PCSK2: variants seen among roughly 807,000 people sequenced by gnomAD.
PCSK2 encodes proprotein convertase subtilisin/kexin type 2, also known as neuroendocrine convertase 2.
PCSK2 carries 14 observed loss-of-function variants against 69.7 expected under a neutral mutation model. The observed-to-expected ratio is 0.20, with a 90% CI of 0.13 to 0.31. PCSK2 has a LOEUF of 0.31. PCSK2 is among the 10% of genes least tolerant of loss of function. The pLI is 1.00. For missense variants in PCSK2, 544 were observed against 842.5 expected, an observed-to-expected ratio of 0.65 and a Z score of 4.39; for synonymous variants, 307 against 320.7, an observed-to-expected ratio of 0.96 and a Z score of 0.46.
chr20:17,348,035 AAAGAAAGAAAGAAAGGAAAGAAAG>A (rs1190115477), intron 2 of PCSK2, among the ~76,000 whole-genome samples: 2 of 71,326 alleles, frequency 2.8e-5, no homozygotes, highest in East Asian at 6.2e-4. Context: ...AAGAAAGAAG[AAAGAAAGAAAGAAAGGAAAGAAAG>A]AAAGAAAGAA....
At chr20:17,355,854 C>A (rs1255320961) in intron 2 of PCSK2, among the ~76,000 whole-genome samples, 1 of 152,142 alleles carries the variant, frequency 6.6e-6, no homozygotes, top group Non-Finnish European at 1.5e-5. Flanking sequence ...CACAGGGCTC[C>A]TCAAATTTAA....
chr20:17,265,507 A>C (rs1363282148), intron 2 of PCSK2, among the ~76,000 whole-genome samples: 1 of 152,232 alleles, frequency 6.6e-6, no homozygotes, highest in Non-Finnish European at 1.5e-5. Flanking sequence ...TATTTTACTT[A>C]TTAAGAAACA....
intron 5 of PCSK2, among the ~76,000 whole-genome samples, chr20:17,387,191 C>T (rs530300301): frequency 6.6e-6 from 1 of 152,290 alleles, no homozygotes; most frequent in Admixed American, 6.5e-5. Flanking sequence ...AGAAGGATAG[C>T]AATATGCCTT....
At chr20:17,238,555 G>T (rs1400883713) in intron 1 of PCSK2, among the ~76,000 whole-genome samples, 1 of 152,118 alleles carries the variant, frequency 6.6e-6, no homozygotes, top group Admixed American at 6.5e-5. Context: ...GAGCCTTGTT[G>T]CTCATTGGCG....
intron 2 of PCSK2, among the ~76,000 whole-genome samples, chr20:17,304,860 G>A (rs910974763): frequency 6.6e-6 from 1 of 152,124 alleles, no homozygotes; most frequent in Admixed American, 6.5e-5. Context: ...CAGAAGCTGC[G>A]ACAAGAATAT....
intron 2 of PCSK2, among the ~76,000 whole-genome samples, chr20:17,294,612 G>T (rs1037758092): frequency 6.6e-6 from 1 of 152,070 alleles, no homozygotes; most frequent in Non-Finnish European, 1.5e-5. Context: ...CTTAGCATTT[G>T]GTATTTCCAC....
chr20:17,369,214 C>T (rs757524237), intron 4 of PCSK2, 26 bp from the exon 5 acceptor site: 4 of 1,609,428 alleles, frequency 2.5e-6, no homozygotes, highest in African/African-American at 2.7e-5. Flanking sequence ...ACCTTTGGTT[C>T]CTGTGTTATT....
intron 2 of PCSK2, among the ~76,000 whole-genome samples, chr20:17,334,771 A>G (rs6111510): frequency 0.2 from 29,993 of 152,102 alleles, 3,625 homozygotes; most frequent in East Asian, 0.51. Context: ...CTGGGATGGA[A>G]ATCTGCGCCA....
At chr20:17,400,134 T>C (rs1451991654) in intron 5 of PCSK2, among the ~76,000 whole-genome samples, 1 of 152,242 alleles carries the variant, frequency 6.6e-6, no homozygotes, top group Non-Finnish European at 1.5e-5. Context: ...TATGGCCCTC[T>C]GTGGGAGGTT....
At chr20:17,474,820 A>G (rs1411778767) in intron 11 of PCSK2, among the ~76,000 whole-genome samples, 1 of 85,334 alleles carries the variant, frequency 1.2e-5, no homozygotes, top group Non-Finnish European at 2.6e-5. Context: ...AGGGCTTTTT[A>G]AAGAAAGCAA....
chr20:17,421,688 C>T (rs1430160032), intron 6 of PCSK2, among the ~76,000 whole-genome samples: 6 of 151,854 alleles, frequency 4.0e-5, no homozygotes, highest in Non-Finnish European at 7.4e-5. Flanking sequence ...TCTGTCTTAT[C>T]TCCTTATCTC....
chr20:17,406,262 G>A (rs913564472), intron 5 of PCSK2, among the ~76,000 whole-genome samples: 2 of 152,312 alleles, frequency 1.3e-5, no homozygotes, highest in African/African-American at 4.8e-5. Flanking sequence ...GGCTGTACAA[G>A]CATAAACAGA....
chr20:17,296,161 AG>A (rs778446597), intron 2 of PCSK2, among the ~76,000 whole-genome samples: 1 of 152,208 alleles, frequency 6.6e-6, no homozygotes, highest in East Asian at 1.9e-4. Flanking sequence ...GCAGCAAGAC[AG>A]CCTAAGCAAA....
intron 10 of PCSK2, chr20:17,463,849 T>A (rs1223920161): frequency 6.6e-6 from 1 of 152,180 alleles, no homozygotes; most frequent in East Asian, 1.9e-4. Flanking sequence ...ATCAAATGAG[T>A]TATGTTGCTC....
At chr20:17,364,660 T>C (rs2030530473) in intron 4 of PCSK2, among the ~76,000 whole-genome samples, 1 of 152,010 alleles carries the variant, frequency 6.6e-6, no homozygotes, top group African/African-American at 2.4e-5. Context: ...CAAGATGAGA[T>C]CTGGGGGAGG....
intron 1 of PCSK2, among the ~76,000 whole-genome samples, chr20:17,258,798 T>TG (rs1987273032): frequency 2.9e-5 from 3 of 103,004 alleles, no homozygotes; most frequent in African/African-American, 1.2e-4. Context: ...GTGTGTGTGT[T>TG]TAAGCAAGGA....
chr20:17,437,487 G>A (rs571517407), intron 8 of PCSK2, among the ~76,000 whole-genome samples: 1 of 152,304 alleles, frequency 6.6e-6, no homozygotes, highest in African/African-American at 2.4e-5. Flanking sequence ...TCTCTGAGAC[G>A]CTGGGGCTGG....
At chr20:17,410,084 A>G (rs561634600) in intron 6 of PCSK2, among the ~76,000 whole-genome samples, 65 of 152,322 alleles carry the variant, frequency 4.3e-4, no homozygotes, top group Non-Finnish European at 7.2e-4. Flanking sequence ...ATGAACTTCA[A>G]TTAGTTGTAT....
chr20:17,293,077 G>A (rs149653992), intron 2 of PCSK2, among the ~76,000 whole-genome samples: 12 of 152,142 alleles, frequency 7.9e-5, no homozygotes, highest in Non-Finnish European at 1.8e-4. Context: ...CACCTGCCTC[G>A]GCCTCTCAAA....
Sources: gnomAD v4.1 joint callset for allele counts (sites outside exome capture counted in the v4.1 genomes callset) on GRCh38, gnomAD v4.1.1 for gene constraint, MANE v1.5 for transcripts, NCBI Gene and HGNC (gene_info 2026-07-23, HGNC 2026-07-21) for gene names.